Variants in COL19A1 observed in about 807,000 individuals in gnomAD.
COL19A1 encodes the protein collagen alpha-1(XIX) chain.
Under a neutral mutation model 190.2 loss-of-function variants are expected in COL19A1, and 159 were observed. The observed-to-expected ratio is 0.84, with a 90% CI of 0.73 to 0.95. COL19A1 has a LOEUF of 0.95. Among genes scored for constraint, COL19A1 ranks in the 40% least tolerant of loss-of-function variants. The probability of loss-of-function intolerance (pLI) is 0.00; values close to 1 mark genes in which losing one functional copy is unlikely to be tolerated. For synonymous variants in COL19A1, 509 were observed against 458.9 expected, an observed-to-expected ratio of 1.11 and a Z score of -1.39; for missense variants, 1,418 against 1,431.9, an observed-to-expected ratio of 0.99 and a Z score of 0.16.
At chr6:70,008,205 GA>G (rs1175095025) in intron 11 of COL19A1, among the ~76,000 whole-genome samples, 1 of 151,316 alleles carries the variant, frequency 6.6e-6, no homozygotes, top group East Asian at 1.9e-4. Flanking sequence ...ATAAAAATGG[GA>G]AAAAAATAAC....
At chr6:70,095,809 T>C (rs1010387966) in intron 15 of COL19A1, among the ~76,000 whole-genome samples, 1 of 152,190 alleles carries the variant, frequency 6.6e-6, no homozygotes, top group Non-Finnish European at 1.5e-5. Context: ...GTGACTGGTT[T>C]ATTTCACTTA....
At chr6:70,111,265 A>G (rs1784271221) in intron 16 of COL19A1, among the ~76,000 whole-genome samples, 1 of 152,204 alleles carries the variant, frequency 6.6e-6, no homozygotes, top group African/African-American at 2.4e-5. Context: ...TCTGCACATC[A>G]GTAACTATAG....
chr6:70,144,248 C>A lies in COL19A1; in HGVS notation c.1665C>A (p.Gly555=). ...AACATGGTATCCCAGGAAAACAAGG[C>A]ATTAAAGGAGAAAAGGTATAGTTTA... ...PGEHGIPGKQ[G]IKGEKGDPGG... The change falls in exon 24 of 51, where the codon GGC becomes GGA. Residue 555 remains glycine (G), a synonymous_variant. Coordinates refer to ENST00000620364, the MANE Select transcript of COL19A1 (RefSeq NM_001858.6). 1.2e-6 allele frequency: 2 copies of A among 1,612,210 alleles called. No individual in the cohort carries two copies. Among genetic ancestry groups the A allele is most frequent in the Admixed American group, 3.3e-5 (2 of 59,894 alleles).
At chr6:69,894,601 T>C (rs1769588756) in intron 2 of COL19A1, among the ~76,000 whole-genome samples, 2 of 152,192 alleles carry the variant, frequency 1.3e-5, no homozygotes, top group South Asian at 4.1e-4. Flanking sequence ...TTAAACACAG[T>C]ACATAGACAT....
chr6:69,908,345 T>C (rs772760181), intron 4 of COL19A1, among the ~76,000 whole-genome samples: 9 of 152,196 alleles, frequency 5.9e-5, no homozygotes, highest in Non-Finnish European at 1.3e-4. Context: ...ATTGTGTAGA[T>C]AGGAATTTTC....
intron 9 of COL19A1, among the ~76,000 whole-genome samples, chr6:69,956,947 A>G (rs1443610101): frequency 6.6e-6 from 1 of 152,064 alleles, no homozygotes; most frequent in Non-Finnish European, 1.5e-5. Flanking sequence ...TGAATGTCTA[A>G]CTGTTAAAAA....
intron 48 of COL19A1, among the ~76,000 whole-genome samples, 183 bp downstream of exon 48, chr6:70,190,564 C>T (rs1766802394): frequency 6.6e-6 from 1 of 152,158 alleles, no homozygotes; most frequent in Non-Finnish European, 1.5e-5. Context: ...TTAACTTTTG[C>T]CTCCCTGGAA....
chr6:69,870,071 A>T (rs1200467017), intron 1 of COL19A1, among the ~76,000 whole-genome samples: 1 of 152,158 alleles, frequency 6.6e-6, no homozygotes, highest in Non-Finnish European at 1.5e-5. Context: ...TTTCTCCATC[A>T]TTCTTTTCTT....
At chr6:69,967,841 G>T (rs377068109) in intron 11 of COL19A1, among the ~76,000 whole-genome samples, 15 of 152,178 alleles carry the variant, frequency 9.9e-5, no homozygotes, top group African/African-American at 3.6e-4. Flanking sequence ...TTGATTTATT[G>T]AACTCTATAT....
chr6:69,880,754 CTCTT>C (rs1253922978), intron 2 of COL19A1, among the ~76,000 whole-genome samples: 10 of 152,108 alleles, frequency 6.6e-5, no homozygotes, highest in South Asian at 4.1e-4. Flanking sequence ...GGGGGGGAAA[CTCTT>C]TCTTCAGTGA....
chr6:70,173,567 C>G (rs1265461083), intron 41 of COL19A1, among the ~76,000 whole-genome samples: 1 of 151,968 alleles, frequency 6.6e-6, no homozygotes, highest in Non-Finnish European at 1.5e-5. Context: ...GAGATGGGGC[C>G]AGGTAGAATG....
At chr6:69,901,071 G>T (rs1386593694) in intron 4 of COL19A1, among the ~76,000 whole-genome samples, 2 of 152,148 alleles carry the variant, frequency 1.3e-5, no homozygotes, top group Admixed American at 1.3e-4. Flanking sequence ...AGCACATATG[G>T]TCAGGATAAT....
At chr6:70,074,578 A>G (rs930682438) in intron 15 of COL19A1, among the ~76,000 whole-genome samples, 1 of 151,972 alleles carries the variant, frequency 6.6e-6, no homozygotes, top group Admixed American at 6.6e-5. Flanking sequence ...CCAACTTCAC[A>G]GCTACAAAGT....
chr6:70,138,838 G>A (rs554858212), intron 19 of COL19A1, among the ~76,000 whole-genome samples: 9 of 151,990 alleles, frequency 5.9e-5, no homozygotes, highest in African/African-American at 2.2e-4. Flanking sequence ...CTTTAATGAG[G>A]TTCTCCAACT....
intron 11 of COL19A1, among the ~76,000 whole-genome samples, chr6:70,019,853 C>T (rs2150101737): frequency 6.6e-6 from 1 of 152,092 alleles, no homozygotes; most frequent in African/African-American, 2.4e-5. Flanking sequence ...TTTAATGCTG[C>T]AGTTTTGTTT....
At chr6:69,961,790 A>T (rs1372209739) in intron 10 of COL19A1, among the ~76,000 whole-genome samples, 1 of 152,058 alleles carries the variant, frequency 6.6e-6, no homozygotes, top group Non-Finnish European at 1.5e-5. Flanking sequence ...ATAAACATAT[A>T]TGCAATTATG....
intron 16 of COL19A1, among the ~76,000 whole-genome samples, chr6:70,114,885 G>A (rs1352169223): frequency 6.6e-6 from 1 of 152,132 alleles, no homozygotes; most frequent in South Asian, 2.1e-4. Flanking sequence ...TAAATTGAGA[G>A]CATTTAAGTT....
intron 22 of COL19A1, 112 bp from the exon 23 acceptor site, chr6:70,142,655 G>A (rs951746218): frequency 1.2e-6 from 1 of 840,048 alleles, no homozygotes; most frequent in Non-Finnish European, 1.9e-6. Context: ...ATGGTGGAAA[G>A]TTGGTCTTCC....
intron 11 of COL19A1, among the ~76,000 whole-genome samples, chr6:69,989,952 G>C (rs1398670972): frequency 6.6e-6 from 1 of 152,076 alleles, no homozygotes; most frequent in Non-Finnish European, 1.5e-5. Flanking sequence ...AATTGTGAAT[G>C]AGTAATTTTT....
Sources: allele counts gnomAD v4.1 joint callset (sites outside exome capture counted in the v4.1 genomes callset), GRCh38; gene constraint gnomAD v4.1.1; transcripts MANE v1.5; gene names NCBI Gene and HGNC (gene_info 2026-07-23, HGNC 2026-07-21).